Variants in DSG3 observed in about 807,000 individuals in gnomAD.
The protein encoded by DSG3 is desmoglein 3.
A neutral mutation model predicts 85.9 loss-of-function variants in DSG3; 63 were observed. The observed-to-expected ratio is 0.73, with a 90% CI of 0.60 to 0.90. The LOEUF (loss-of-function observed/expected upper bound fraction) is 0.90. Among genes scored for constraint, DSG3 ranks in the 40% least tolerant of loss-of-function variants. DSG3 has a pLI of 0.00. For missense variants in DSG3, 1,220 were observed against 1,219.9 expected (o/e 1.00, Z 0.00); for synonymous variants, 447 against 441.9 (o/e 1.01, Z -0.14).
Position 31,476,037 on chromosome 18 carries a change from T to C in DSG3, c.2777T>C (p.Leu926Pro). Residue 926 changes from leucine to proline, a missense_variant, in exon 16 of 16, where the codon CTG (leucine) becomes CCG (proline). Leu to Pro is a moderately conservative substitution (Grantham distance 98). Transcript: ENST00000257189. The part of the protein sequence containing the change: ...VQPAVSIPDP[L>P]QHGNYLVTET... ...CCAGCTGTTTCCATCCCTGACCCTC[T>C]GCAGCATGGTAACTATTTAGTAACG... The C allele has an allele frequency of 6.2e-7, 1 of 1,614,240 alleles. No homozygotes were observed. Among genetic ancestry groups the C allele is most frequent in the Non-Finnish European group, 8.5e-7 (1 of 1,180,044 alleles).
rs761439388 is a variant in DSG3, at chr18:31,460,026, T to C, written c.684+15T>C. On this transcript the variant is annotated intron_variant, in intron 6 of 15. Coordinates refer to ENST00000257189, the MANE Select transcript of DSG3 (RefSeq NM_001944.3). ...TTGACCGAGAGGTACAGCAAAGCAC[T>C]TGGGGGAACATTCAAGATTAAAGGG... The C allele has an allele frequency of 7.5e-6, 12 of 1,600,176 alleles. No individual in the cohort carries two copies. In the Admixed American group the frequency reaches 1.4e-4, roughly 18 times the overall value.
chr18:31,473,957 T>C (rs1402155455), intron 14 of DSG3, among the ~76,000 whole-genome samples, 164 bp from the exon 15 acceptor site: 1 of 152,236 alleles, frequency 6.6e-6, no homozygotes, highest in African/African-American at 2.4e-5. Context: ...TTTGTGACTC[T>C]CACATAACAC....
intron 8 of DSG3, among the ~76,000 whole-genome samples, chr18:31,462,171 C>G (rs1464997059): frequency 6.6e-6 from 1 of 152,076 alleles, no homozygotes; most frequent in African/African-American, 2.4e-5. Flanking sequence ...CTCCCAGGCC[C>G]CAGTGATCCT....
At chr18:31,474,514 CA>C in intron 15 of DSG3, 110 bp downstream of exon 15, 1 of 1,332,006 alleles carries the variant, frequency 7.5e-7, no homozygotes, top group Non-Finnish European at 1.0e-6. Context: ...TGTTAAAATG[CA>C]AGAAAAAAAT....
chr18:31,467,008 T>C (rs1186706841), intron 11 of DSG3, among the ~76,000 whole-genome samples: 1 of 152,194 alleles, frequency 6.6e-6, no homozygotes, highest in Non-Finnish European at 1.5e-5. Context: ...TTTAAATCTG[T>C]TTATTTCTAC....
At position 31,461,334 on chromosome 18, in the gene DSG3, T is replaced by A; in HGVS notation, c.921T>A (p.Phe307Leu). The change falls in exon 8 of 16, where the codon TTT (phenylalanine) becomes TTA (leucine). Residue 307 changes from phenylalanine to leucine, a missense_variant. By Grantham distance (22) the Phe-to-Leu change is conservative. Coordinates refer to ENST00000257189, the MANE Select transcript of DSG3 (RefSeq NM_001944.3). ...YTDNWLAVYF[F>L]TSGNEGNWFE... is the part of the protein sequence containing the mutation. Reference sequence around the variant, plus strand: ...ATAATTGGCTTGCAGTATATTTCTTTACCTCTGGGAATGAAGGAAATTGGT... The same window carrying A: ...ATAATTGGCTTGCAGTATATTTCTTAACCTCTGGGAATGAAGGAAATTGGT... 6.2e-7 allele frequency: 1 copy of A among 1,613,728 alleles called. No individual in the cohort carries two copies. Among genetic ancestry groups the A allele is most frequent in the African/African-American group, 1.3e-5 (1 of 75,036 alleles).
rs1055116084 is a variant in DSG3 at position 31,478,301 on chromosome 18, A to G, written c.*2041A>G. Reference sequence around the variant, plus strand: ...TGCCTCTGCTTATGCATGAGGGTTAAATTAACAACCATAACCTTCATTTGA... The same window carrying G: ...TGCCTCTGCTTATGCATGAGGGTTAGATTAACAACCATAACCTTCATTTGA... On this transcript the variant is annotated 3_prime_UTR_variant, in exon 16 of 16. Transcript: ENST00000257189. The G allele has an allele frequency of 7.2e-5, 11 of 152,196 alleles. No individual in the cohort carries two copies. The highest frequency in any genetic ancestry group is 2.4e-4 in the African/African-American group (10 of 41,440). The allele number at this position is 152,196 out of a possible 1,614,324, so 9.4% of individuals were successfully genotyped here.
rs1246181763 is a variant in DSG3 at position 31,477,519 on chromosome 18, AAGT to A, written c.*1263_*1265del. 6.6e-6 allele frequency: 1 copy of A among 152,240 alleles called. No homozygotes were observed. The highest frequency in any genetic ancestry group is 1.5e-5 in the Non-Finnish European group (1 of 68,046). The allele number at this position is 152,240 out of a possible 1,614,324, so 9.4% of individuals were successfully genotyped here. A position where few individuals can be genotyped will look rare whatever the true frequency, so the allele number is the denominator to read the frequency against. On this transcript the variant is annotated 3_prime_UTR_variant, in exon 16 of 16. Transcript: ENST00000257189. Reference sequence around the variant, plus strand: ...ATGTATTATAAGCAGCATTCCAGAAAAGTAGTTGGTGAAATAATTTTCAAGTCA... The same window carrying A: ...ATGTATTATAAGCAGCATTCCAGAAAAGTTGGTGAAATAATTTTCAAGTCA...
At position 31,464,156 on chromosome 18, in the gene DSG3, G is replaced by A. The variant is rs2072802199; in HGVS notation, c.1045G>A (p.Val349Ile). The part of the protein sequence containing the change: ...QLQSVKLSIA[V>I]KNKAEFHQSV... ...ACAAAGCGTGAAACTTAGTATTGCT[G>A]TCAAAAACAAAGCTGAATTTCACCA... Residue 349 changes from valine to isoleucine, a missense_variant, in exon 9 of 16, where the codon GTC (valine) becomes ATC (isoleucine). Val to Ile is a conservative substitution (Grantham distance 29). Transcript: ENST00000257189. 1.2e-6 allele frequency: 2 copies of A among 1,613,956 alleles called. No individual in the cohort carries two copies. The highest frequency in any genetic ancestry group is 3.3e-5 in the Admixed American group (2 of 59,992).
chr18:31,453,263 C>T (rs566121552), intron 1 of DSG3, among the ~76,000 whole-genome samples: 1 of 152,226 alleles, frequency 6.6e-6, no homozygotes, highest in Non-Finnish European at 1.5e-5. Flanking sequence ...ATTCATTCTA[C>T]AAATTTCCCC....
At position 31,457,002 on chromosome 18, in the gene DSG3, C is replaced by T. The variant is rs901828668; in HGVS notation, c.94C>T (p.Gln32Ter). 6.2e-7 allele frequency: 1 copy of T among 1,606,662 alleles called. No homozygotes were observed. Residue 32 changes from glutamine (Q) to a stop codon, truncating the protein, a stop_gained, in exon 3 of 16, where the codon CAA becomes TAA. Transcript: ENST00000257189. LOFTEE classifies it high-confidence loss of function. ...TCCCTTTTTACATAAGACTAAAGGT[C>T]AATATGATGAAGAAGAGATGACTAT... ...HGELRIETKG[Q>*]YDEEEMTMQQ...
chr18:31,449,629 A>G (rs1386007326), intron 1 of DSG3, among the ~76,000 whole-genome samples: 1 of 152,184 alleles, frequency 6.6e-6, no homozygotes, highest in Admixed American at 6.5e-5. Flanking sequence ...AGAATGAGTA[A>G]ATGAATGATT....
At chr18:31,462,542 T>C (rs2072793244) in intron 8 of DSG3, among the ~76,000 whole-genome samples, 1 of 152,074 alleles carries the variant, frequency 6.6e-6, no homozygotes, top group Non-Finnish European at 1.5e-5. Context: ...CTTGTAAGGG[T>C]TTTGTTATAA....
At chr18:31,461,103 G>A (rs2072782383) in intron 7 of DSG3, 124 bp from the exon 8 acceptor site, 1 of 1,239,636 alleles carries the variant, frequency 8.1e-7, no homozygotes, top group Non-Finnish European at 1.1e-6. Context: ...AAAAATATAA[G>A]AATTCAGTAA....
intron 1 of DSG3, among the ~76,000 whole-genome samples, chr18:31,455,350 G>A (rs1171893044): frequency 6.6e-6 from 1 of 150,824 alleles, no homozygotes; most frequent in Non-Finnish European, 1.5e-5. Context: ...AGATTCATCC[G>A]ATAATCAGTG....
rs1293586625 is a variant in DSG3 at position 31,459,191 on chromosome 18, A to C, written c.517+14A>C. On this transcript the variant is annotated intron_variant, in intron 5 of 15. Transcript: ENST00000257189. Reference sequence around the variant, plus strand: ...ATAGTGCCTCAAGTAAGTCTTTTACAGTACTTACCACTTTCAGTTTATCTA... The same window carrying C: ...ATAGTGCCTCAAGTAAGTCTTTTACCGTACTTACCACTTTCAGTTTATCTA... 6.2e-7 allele frequency: 1 copy of C among 1,602,804 alleles called. No individual in the cohort carries two copies. Among genetic ancestry groups the C allele is most frequent in the Non-Finnish European group, 8.5e-7 (1 of 1,176,904 alleles).
chr18:31,457,438 G>A (rs1380715803), intron 3 of DSG3, among the ~76,000 whole-genome samples: 2 of 152,104 alleles, frequency 1.3e-5, no homozygotes, highest in African/African-American at 4.8e-5. Flanking sequence ...AGACAGAAAT[G>A]GTTGGGAGCA....
chr18:31,458,635 T>C, intron 4 of DSG3, 35 bp downstream of exon 4: 3 of 1,596,708 alleles, frequency 1.9e-6, no homozygotes, highest in Non-Finnish European at 2.6e-6. Flanking sequence ...GCTACCCTTC[T>C]CCTTGTATAC....
At position 31,465,387 on chromosome 18, in the gene DSG3, C is replaced by CA; in HGVS notation, c.1346dup (p.Asn449LysfsTer11). 1 of 1,545,230 alleles carries CA rather than the reference C, an allele frequency of 6.5e-7. No homozygotes were observed. Among genetic ancestry groups the CA allele is most frequent in the East Asian group, 2.4e-5 (1 of 41,528 alleles). ...CAAAAACTGCTGAAATCAAATTTGT[C>CA]AAAAATATGAACCGAGATTCTACTT... On this transcript the variant is annotated frameshift_variant, in exon 10 of 16. Coordinates refer to ENST00000257189, the MANE Select transcript of DSG3 (RefSeq NM_001944.3). LOFTEE classifies it high-confidence loss of function.
Sources: allele counts gnomAD v4.1 joint callset (sites outside exome capture counted in the v4.1 genomes callset), GRCh38; gene constraint gnomAD v4.1.1; transcripts MANE v1.5; gene names NCBI Gene and HGNC (gene_info 2026-07-23, HGNC 2026-07-21).